The following DOCK4 variants were observed in gnomAD, a reference collection of about 807,000 sequenced individuals.
The protein encoded by DOCK4 is dedicator of cytokinesis protein 4.
A neutral mutation model predicts 268.1 loss-of-function variants in DOCK4; 97 were observed. The ratio of observed to expected loss-of-function variants is 0.36; its 90% CI spans 0.31 to 0.43. The LOEUF is 0.43. DOCK4 is among the 20% of genes least tolerant of loss of function. The probability of loss-of-function intolerance (pLI) is 1.00; values close to 1 mark genes in which losing one functional copy is unlikely to be tolerated. For missense variants in DOCK4, 2,145 were observed against 2,455.7 expected (o/e 0.87, Z 2.67); for synonymous variants, 954 against 887.2 (o/e 1.08, Z -1.34).
At chr7:111,973,967 C>CT (rs888304937) in intron 8 of DOCK4, among the ~76,000 whole-genome samples, 3 of 152,054 alleles carry the variant, frequency 2.0e-5, no homozygotes, top group Non-Finnish European at 4.4e-5. Flanking sequence ...ATTCACAGTA[C>CT]TTTTTTCTGA....
At chr7:112,038,817 G>T (rs924850254) in intron 1 of DOCK4, among the ~76,000 whole-genome samples, 11 of 152,350 alleles carry the variant, frequency 7.2e-5, no homozygotes, top group African/African-American at 2.2e-4. Flanking sequence ...TTAAATCCTT[G>T]TTCTTCAGTC....
rs191644418 is a variant in DOCK4, at chr7:111,868,394, A to G, written c.2110-240T>C. Among the ~76,000 whole-genome samples, 590 of 152,342 alleles carry G rather than the reference A, an allele frequency of 3.9e-3. 5 individuals are homozygous for G. The highest frequency in any genetic ancestry group is 0.014 in the African/African-American group (568 of 41,590). On this transcript the variant is annotated intron_variant, in intron 21 of 52. Transcript: ENST00000428084. ...TTTAAATTTAAAAGAAATTTAAAAG[A>G]AATAGAATTTTAATAGAAAATTTAA...
intron 23 of DOCK4, among the ~76,000 whole-genome samples, chr7:111,856,111 C>T (rs1437911542): frequency 6.6e-6 from 1 of 152,218 alleles, no homozygotes; most frequent in Admixed American, 6.5e-5. Context: ...GCCTGTGACA[C>T]ACATGCTCCC....
chr7:111,751,399 T>C (rs1011967979), intron 42 of DOCK4, among the ~76,000 whole-genome samples: 2 of 152,168 alleles, frequency 1.3e-5, no homozygotes, highest in Non-Finnish European at 2.9e-5. Context: ...TTGCAATGCA[T>C]GGCCCTTATT....
chr7:111,955,151 A>C (rs1796361505), intron 8 of DOCK4, among the ~76,000 whole-genome samples: 1 of 152,184 alleles, frequency 6.6e-6, no homozygotes, highest in South Asian at 2.1e-4. Context: ...TGAGAACACA[A>C]ATGACAGAGT....
chr7:112,170,837 A>C (rs1264827657), intron 1 of DOCK4, among the ~76,000 whole-genome samples: 1 of 152,210 alleles, frequency 6.6e-6, no homozygotes, highest in East Asian at 1.9e-4. Flanking sequence ...ATTGCCTCAG[A>C]GAATAGTATA....
chr7:112,053,874 G>A (rs1805583346), intron 1 of DOCK4, among the ~76,000 whole-genome samples: 3 of 152,196 alleles, frequency 2.0e-5, no homozygotes, highest in African/African-American at 7.2e-5. Context: ...GAAGATAGGA[G>A]CTGTTCCTGG....
At chr7:112,133,376 T>C (rs1414525329) in intron 1 of DOCK4, among the ~76,000 whole-genome samples, 1 of 152,208 alleles carries the variant, frequency 6.6e-6, no homozygotes, top group Non-Finnish European at 1.5e-5. Flanking sequence ...TCCTGCTTAA[T>C]CTTTTATTTA....
intron 12 of DOCK4, among the ~76,000 whole-genome samples, chr7:111,930,732 G>A (rs1286438295): frequency 6.6e-6 from 1 of 152,086 alleles, no homozygotes; most frequent in East Asian, 1.9e-4. Context: ...ACTATCTTGA[G>A]GTAAGCCATG....
intron 1 of DOCK4, among the ~76,000 whole-genome samples, chr7:112,200,745 A>AAAAAAAAAAAAG: frequency 1.3e-5 from 2 of 150,418 alleles, no homozygotes; most frequent in Non-Finnish European, 3.0e-5. Flanking sequence ...AAAACAAAAA[A>AAAAAAAAAAAAG]AAACAAGATC....
Position 112,054,420 on chromosome 7 carries a change from C to A in DOCK4, c.38-50289G>T, listed in dbSNP as rs144815838. Among the ~76,000 whole-genome samples the A allele has an allele frequency of 2.5e-3, 388 of 152,234 alleles. 3 individuals carry two copies. Among genetic ancestry groups the A allele is most frequent in the African/African-American group, 9.0e-3 (373 of 41,548 alleles). On this transcript the variant is annotated intron_variant, in intron 1 of 52. Transcript: ENST00000428084. ...TGACCCCAATTTCTAGGGAAAAGAA[C>A]TTTCACTCTCCAAGAAATCTTAGCA...
chr7:111,815,975 A>C (rs968562113), intron 27 of DOCK4, among the ~76,000 whole-genome samples: 2 of 152,142 alleles, frequency 1.3e-5, no homozygotes, highest in Admixed American at 6.5e-5. Flanking sequence ...CAAGGCATGC[A>C]GTAGGATCAT....
chr7:111,871,113 T>C (rs1806394419), intron 20 of DOCK4, among the ~76,000 whole-genome samples: 1 of 152,208 alleles, frequency 6.6e-6, no homozygotes, highest in Admixed American at 6.5e-5. Context: ...TTAACCTTTA[T>C]ATATTACATA....
chr7:111,818,062 C>T (rs1182400254), intron 27 of DOCK4, among the ~76,000 whole-genome samples: 1 of 152,202 alleles, frequency 6.6e-6, no homozygotes, highest in Non-Finnish European at 1.5e-5. Context: ...ATACTGTACT[C>T]TGCTGGTTCT....
chr7:112,033,074 G>T (rs1472417780), intron 1 of DOCK4, among the ~76,000 whole-genome samples: 1 of 152,062 alleles, frequency 6.6e-6, no homozygotes, highest in Non-Finnish European at 1.5e-5. Context: ...TCTAGTAAGA[G>T]ACACAGTATA....
At chr7:111,938,763 A>G (rs1199319960) in intron 11 of DOCK4, among the ~76,000 whole-genome samples, 1 of 152,232 alleles carries the variant, frequency 6.6e-6, no homozygotes, top group East Asian at 1.9e-4. Flanking sequence ...ATAATCATAT[A>G]AGAAGGTTAT....
At chr7:111,728,822 C>A in intron 52 of DOCK4, 102 bp from the exon 53 acceptor site, 1 of 1,153,864 alleles carries the variant, frequency 8.7e-7, no homozygotes, top group Non-Finnish European at 1.2e-6. Context: ...GCCCCCAGCA[C>A]CCCCAAAGCC....
intron 26 of DOCK4, among the ~76,000 whole-genome samples, chr7:111,823,952 C>T (rs1802205794): frequency 6.6e-6 from 1 of 152,180 alleles, no homozygotes; most frequent in Admixed American, 6.5e-5. Flanking sequence ...ACGCTAACAA[C>T]TTCAATCAAG....
intron 47 of DOCK4, chr7:111,740,126 G>A (rs746511306): frequency 4.5e-6 from 2 of 441,104 alleles, no homozygotes; most frequent in Admixed American, 2.5e-5. Flanking sequence ...TTGAGACACA[G>A]TCTCGCTTTG....
Sources: gnomAD v4.1 joint callset for allele counts (sites outside exome capture counted in the v4.1 genomes callset) on GRCh38, gnomAD v4.1.1 for gene constraint, MANE v1.5 for transcripts, NCBI Gene and HGNC (gene_info 2026-07-23, HGNC 2026-07-21) for gene names.